The following MAML3 variants were observed in gnomAD, a reference collection of about 807,000 sequenced individuals.
MAML3 encodes the protein mastermind like transcriptional coactivator 3.
A neutral mutation model predicts 101.9 loss-of-function variants in MAML3; 27 were observed. The observed-to-expected ratio is 0.27, with a 90% CI of 0.20 to 0.37. The LOEUF (loss-of-function observed/expected upper bound fraction) is 0.37, where lower values mean the gene tolerates loss of function less well. MAML3 is among the 10% of genes least tolerant of loss of function. The probability of loss-of-function intolerance (pLI) is 1.00; values close to 1 mark genes in which losing one functional copy is unlikely to be tolerated. For synonymous variants in MAML3, 501 were observed against 555.9 expected (o/e 0.90, Z 1.39); for missense variants, 1,316 against 1,444.9 (o/e 0.91, Z 1.45).
At chr4:139,849,452 A>G (rs79038734) in intron 2 of MAML3, among the ~76,000 whole-genome samples, 188 of 152,308 alleles carry the variant, frequency 1.2e-3, no homozygotes, top group African/African-American at 4.4e-3. Flanking sequence ...CGGGGCAGAG[A>G]CAAATAAGAC....
At chr4:140,145,684 G>C (rs970186034) in intron 1 of MAML3, among the ~76,000 whole-genome samples, 9 of 152,000 alleles carry the variant, frequency 5.9e-5, no homozygotes, top group Admixed American at 2.0e-4. Context: ...TCCTGCCTCA[G>C]CCTCCCAAGT....
At chr4:140,092,185 AT>A (rs1454814493) in intron 1 of MAML3, among the ~76,000 whole-genome samples, 1 of 148,808 alleles carries the variant, frequency 6.7e-6, no homozygotes, top group Non-Finnish European at 1.5e-5. Context: ...CTCAGACTTA[AT>A]TTAACTCCTT....
chr4:140,137,243 C>T (rs961545286), intron 1 of MAML3, among the ~76,000 whole-genome samples: 28 of 152,232 alleles, frequency 1.8e-4, no homozygotes, highest in Admixed American at 1.6e-3. Context: ...CCACCTCGGC[C>T]TCCCAAAGTG....
chr4:139,835,169 G>A lies in MAML3; in HGVS notation c.2079+54188C>T, dbSNP rs180753812. ...AGTAAATGTTTTCACTAAGAGCAGG[G>A]GCTGAAGAGAGGTGACCCCTTCATC... On this transcript the variant is annotated intron_variant, in intron 2 of 4. Transcript: ENST00000509479. Among the ~76,000 whole-genome samples, 4 of 152,362 alleles carry A rather than the reference G, an allele frequency of 2.6e-5. No individual in the cohort carries two copies. The East Asian group carries it at 7.7e-4, about 29-fold the overall frequency.
intron 2 of MAML3, among the ~76,000 whole-genome samples, chr4:139,855,972 C>T (rs904509072): frequency 3.9e-5 from 6 of 152,354 alleles, no homozygotes; most frequent in African/African-American, 1.4e-4. Flanking sequence ...TTCTGCTATA[C>T]ACGGACTCAG....
intron 1 of MAML3, among the ~76,000 whole-genome samples, chr4:140,053,729 A>G (rs568943065): frequency 1.3e-5 from 2 of 152,356 alleles, no homozygotes; most frequent in East Asian, 3.9e-4. Context: ...TAATGTAGGG[A>G]GAAAACACAT....
At chr4:139,866,227 T>C (rs1403398419) in intron 2 of MAML3, among the ~76,000 whole-genome samples, 1 of 152,200 alleles carries the variant, frequency 6.6e-6, no homozygotes, top group Non-Finnish European at 1.5e-5. Context: ...TAGCTTGAAG[T>C]ATAACAATTA....
intron 1 of MAML3, among the ~76,000 whole-genome samples, chr4:139,915,925 C>A (rs1247853048): frequency 1.3e-5 from 2 of 152,196 alleles, no homozygotes; most frequent in Admixed American, 6.5e-5. Context: ...TGGCCCCAAC[C>A]ATTTATGCAC....
At chr4:140,040,601 C>CT (rs1727066651) in intron 1 of MAML3, among the ~76,000 whole-genome samples, 1 of 152,274 alleles carries the variant, frequency 6.6e-6, no homozygotes, top group East Asian at 1.9e-4. Context: ...AAGCACACCC[C>CT]TTCAAAAAAT....
chr4:140,109,729 C>G (rs1222087454), intron 1 of MAML3, among the ~76,000 whole-genome samples: 1 of 152,184 alleles, frequency 6.6e-6, no homozygotes, highest in East Asian at 1.9e-4. Flanking sequence ...TTCCCCAATG[C>G]CTCTAACATA....
chr4:140,148,551 C>A (rs556141098), intron 1 of MAML3, among the ~76,000 whole-genome samples: 7 of 152,218 alleles, frequency 4.6e-5, no homozygotes, highest in Admixed American at 6.5e-5. Flanking sequence ...CCCATGCTAG[C>A]GGCAGAACAG....
Position 139,889,498 on chromosome 4 carries a change from C to CTGCTGCTGCTGT in MAML3, c.1926_1937dup (p.Gln647_Gln650dup), listed in dbSNP as rs1560825864. The stretch of plus-strand genomic sequence containing the variant: ...GTGGAGGTGGCGGCTGCTGCTGCTG[C>CTGCTGCTGCTGT]TGCTGCTGCTGTTGCTGTTGCTGCT... On this transcript the variant is annotated inframe_insertion, in exon 2 of 5. Coordinates refer to ENST00000509479, the MANE Select transcript of MAML3 (RefSeq NM_018717.5). 5 of 1,612,314 alleles carry CTGCTGCTGCTGT rather than the reference C, an allele frequency of 3.1e-6. No homozygotes were observed. The highest frequency in any genetic ancestry group is 4.2e-6 in the Non-Finnish European group (5 of 1,178,466).
At chr4:139,891,042 T>C (rs372919808) in intron 1 of MAML3, 75 bp from the exon 2 acceptor site, 1 of 1,480,126 alleles carries the variant, frequency 6.8e-7, no homozygotes, top group Non-Finnish European at 9.0e-7. Flanking sequence ...AGATGTGCAT[T>C]GCGATGAACT....
intron 2 of MAML3, among the ~76,000 whole-genome samples, chr4:139,789,408 A>G (rs902281883): frequency 6.6e-6 from 1 of 152,110 alleles, no homozygotes; most frequent in Non-Finnish European, 1.5e-5. Context: ...GTATTTCACA[A>G]GAGGGGTGGG....
In MAML3 at chr4:140,092,106, A is replaced by ATATATATACGTATATATATATATACG. The variant is rs1560890872; in HGVS notation, c.468+60753_468+60754insCGTATATATATATATACGTATATATA. 2.5e-3 allele frequency among the ~76,000 whole-genome samples: 322 copies of ATATATATACGTATATATATATATACG among 128,554 alleles called. 3 individuals carry two copies. Among genetic ancestry groups the ATATATATACGTATATATATATATACG allele is most frequent in the African/African-American group, 0.01 (311 of 30,962 alleles). The allele number at this position is 128,554 out of a possible 152,430, so 84.3% of individuals were successfully genotyped here. On this transcript the variant is annotated intron_variant, in intron 1 of 4. Coordinates refer to ENST00000509479, the MANE Select transcript of MAML3 (RefSeq NM_018717.5). ...TATATACGTATATATATATATACGTATATATATATATACGTATATATATAT... is the reference window on the plus strand; with the variant it reads ...TATATACGTATATATATATATACGTATATATATACGTATATATATATATACGTATATATATATACGTATATATATAT...
At chr4:139,927,321 T>C (rs1029422493) in intron 1 of MAML3, among the ~76,000 whole-genome samples, 1 of 152,228 alleles carries the variant, frequency 6.6e-6, no homozygotes, top group Non-Finnish European at 1.5e-5. Context: ...GGGTTCATGA[T>C]GTCAATATGT....
intron 4 of MAML3, among the ~76,000 whole-genome samples, chr4:139,724,715 G>T (rs1728394423): frequency 6.6e-6 from 1 of 151,788 alleles, no homozygotes; most frequent in Non-Finnish European, 1.5e-5. Flanking sequence ...AACTCCTGTG[G>T]ATAAGATTAG....
intron 2 of MAML3, among the ~76,000 whole-genome samples, chr4:139,866,636 T>A (rs1277877972): frequency 6.6e-6 from 1 of 152,174 alleles, no homozygotes; most frequent in African/African-American, 2.4e-5. Context: ...CTTTATTGAT[T>A]CTTCTCTCTT....
chr4:139,975,333 T>G (rs1430865547), intron 1 of MAML3, among the ~76,000 whole-genome samples: 3 of 152,170 alleles, frequency 2.0e-5, no homozygotes, highest in African/African-American at 4.8e-5. Flanking sequence ...TGGCTACTCC[T>G]TCATGTAATT....
Sources: allele counts gnomAD v4.1 joint callset (sites outside exome capture counted in the v4.1 genomes callset), GRCh38; gene constraint gnomAD v4.1.1; transcripts MANE v1.5; gene names NCBI Gene and HGNC (gene_info 2026-07-23, HGNC 2026-07-21).